The following PHF24 variants were observed in gnomAD, a reference collection of about 807,000 sequenced individuals.
The protein encoded by PHF24 is PHD finger protein 24, also known as Galpha inhibitory interacting protein.
PHF24 carries 25 observed loss-of-function variants against 42.6 expected under a neutral mutation model. The observed-to-expected ratio is 0.59, with a 90% CI of 0.43 to 0.82. The LOEUF (loss-of-function observed/expected upper bound fraction) is 0.82. Ranked by LOEUF, PHF24 falls within the 40% of genes least tolerant of loss-of-function variation. The pLI is 0.00. For missense variants in PHF24, 470 were observed against 538.1 expected, an observed-to-expected ratio of 0.87 and a Z score of 1.25; for synonymous variants, 185 against 204.8, an observed-to-expected ratio of 0.90 and a Z score of 0.83.
At chr9:34,818,114 A>T in the PHF24 span, among the ~76,000 whole-genome samples, 6 of 152,248 alleles carry the variant, frequency 3.9e-5, no homozygotes, top group African/African-American at 1.4e-4. Context: ...TACAGAGACA[A>T]TAATGTTGCT....
chr9:34,726,413 A>G, the PHF24 span: 1 of 1,549,596 alleles, frequency 6.5e-7, no homozygotes, highest in Non-Finnish European at 8.7e-7. Flanking sequence ...GACCATATGC[A>G]AGGCCATTGG....
chr9:34,741,842 CA>C, the PHF24 span, among the ~76,000 whole-genome samples: 2,221 of 152,032 alleles, frequency 0.015, 31 homozygotes, highest in Non-Finnish European at 0.023. Context: ...GTTTTCTAAG[CA>C]GATGGAACTA....
the PHF24 span, among the ~76,000 whole-genome samples, chr9:34,745,876 A>T: frequency 1.3e-5 from 2 of 152,218 alleles, no homozygotes; most frequent in African/African-American, 4.8e-5. Context: ...TTTTTAAATA[A>T]TGTTGAAAGG....
chr9:34,682,115 C>T, the PHF24 span, among the ~76,000 whole-genome samples: 1 of 151,296 alleles, frequency 6.6e-6, no homozygotes, highest in East Asian at 1.9e-4. Flanking sequence ...ACTGGGACTA[C>T]AGGCACCTGC....
At chr9:34,872,296 G>A in the PHF24 span, among the ~76,000 whole-genome samples, 14 of 149,972 alleles carry the variant, frequency 9.3e-5, no homozygotes, top group South Asian at 2.1e-4. Context: ...ATGCTGGTGC[G>A]CTGCACCCAC....
chr9:34,691,036 T>G, the PHF24 span: 2 of 1,459,368 alleles, frequency 1.4e-6, no homozygotes, highest in Non-Finnish European at 1.9e-6. Context: ...GATCTAGACA[T>G]TACCCACTGC....
At chr9:34,773,140 G>A in the PHF24 span, among the ~76,000 whole-genome samples, 551 of 152,216 alleles carry the variant, frequency 3.6e-3, 7 homozygotes, top group Middle Eastern at 0.037. Flanking sequence ...ACAGGCATGC[G>A]ACACCACGCC....
chr9:34,787,925 T>C, the PHF24 span, among the ~76,000 whole-genome samples: 37 of 152,340 alleles, frequency 2.4e-4, 1 homozygote, highest in African/African-American at 8.7e-4. Flanking sequence ...AATTTCTTTA[T>C]TGTTTTCTGT....
At chr9:34,808,459 C>G in the PHF24 span, among the ~76,000 whole-genome samples, 9 of 152,002 alleles carry the variant, frequency 5.9e-5, no homozygotes, top group Admixed American at 2.0e-4. Flanking sequence ...GAGACTCTAT[C>G]CCCCCGCCAA....
the PHF24 span, among the ~76,000 whole-genome samples, chr9:34,735,604 G>C: frequency 6.6e-6 from 1 of 151,404 alleles, no homozygotes; most frequent in Non-Finnish European, 1.5e-5. Context: ...TTCAAGACCA[G>C]CCTGGCCAAT....
At chr9:34,890,365 T>C in the PHF24 span, among the ~76,000 whole-genome samples, 2 of 152,202 alleles carry the variant, frequency 1.3e-5, no homozygotes, top group Non-Finnish European at 2.9e-5. Flanking sequence ...TCCTCACTTT[T>C]GCAAAGACCT....
chr9:34,974,080 T>C (rs1441438987), intron 3 of PHF24, among the ~76,000 whole-genome samples: 1 of 152,178 alleles, frequency 6.6e-6, no homozygotes, highest in Non-Finnish European at 1.5e-5. Context: ...ATCGTAGCAC[T>C]GCAGCCTTGA....
chr9:34,884,657 A>T, the PHF24 span, among the ~76,000 whole-genome samples: 8 of 152,190 alleles, frequency 5.3e-5, no homozygotes, highest in Non-Finnish European at 1.5e-5. Flanking sequence ...ATTTGAGTGG[A>T]TGAGTGGAGA....
At chr9:34,689,838 A>G in the PHF24 span, 1 of 1,614,162 alleles carries the variant, frequency 6.2e-7, no homozygotes, top group South Asian at 1.1e-5. The surrounding 1 kb of genome is among the most constrained non-coding windows in gnomAD (Gnocchi z 4.1). Flanking sequence ...GCGGCGCTTC[A>G]TCTAGAGGAG....
the PHF24 span, among the ~76,000 whole-genome samples, chr9:34,773,408 C>A: frequency 6.6e-6 from 1 of 151,368 alleles, no homozygotes; most frequent in African/African-American, 2.4e-5. Flanking sequence ...TCTTCTAGTG[C>A]CAGAAAGAAA....
the PHF24 span, among the ~76,000 whole-genome samples, chr9:34,918,695 A>G: frequency 6.6e-6 from 1 of 152,172 alleles, no homozygotes; most frequent in Admixed American, 6.5e-5. Context: ...TACTAAATAA[A>G]TATTTGTTAC....
the PHF24 span, among the ~76,000 whole-genome samples, chr9:34,852,229 A>T: frequency 5.9e-5 from 9 of 152,230 alleles, no homozygotes; most frequent in African/African-American, 2.2e-4. Flanking sequence ...ATACATATAC[A>T]AAATATGTGT....
At chr9:34,900,188 G>C in the PHF24 span, among the ~76,000 whole-genome samples, 2 of 152,088 alleles carry the variant, frequency 1.3e-5, no homozygotes, top group Non-Finnish European at 2.9e-5. Flanking sequence ...AGCAAGGCCA[G>C]GGTCCTTCAT....
chr9:34,933,759 G>T, the PHF24 span, among the ~76,000 whole-genome samples: 6 of 151,216 alleles, frequency 4.0e-5, no homozygotes, highest in Admixed American at 2.0e-4. Context: ...AAACATGGAG[G>T]CAACTGAAGT....
Sources: allele counts gnomAD v4.1 joint callset (sites outside exome capture counted in the v4.1 genomes callset), GRCh38; gene constraint gnomAD v4.1.1; non-coding constraint Gnocchi (gnomAD v3.1); transcripts MANE v1.5; gene names NCBI Gene and HGNC (gene_info 2026-07-23, HGNC 2026-07-21).